The following PKN2 variants were observed in gnomAD, a reference collection of about 807,000 sequenced individuals.
PKN2 encodes serine/threonine-protein kinase N2.
Under a neutral mutation model 119.1 loss-of-function variants are expected in PKN2, and 38 were observed. The ratio of observed to expected loss-of-function variants is 0.32; its 90% CI spans 0.25 to 0.42. The LOEUF is 0.42. Among genes scored for constraint, PKN2 ranks in the 10% least tolerant of loss-of-function variants. The pLI is 1.00. For missense variants in PKN2, 850 were observed against 1,165.1 expected (o/e 0.73, Z 3.94); for synonymous variants, 390 against 384.9 (o/e 1.01, Z -0.15).
At chr1:88,807,496 T>C in intron 13 of PKN2, 33 bp from the exon 14 acceptor site, 1 of 1,602,280 alleles carries the variant, frequency 6.2e-7, no homozygotes, top group East Asian at 2.2e-5. Context: ...CATACTTTAT[T>C]GTCTTATTAT....
At position 88,804,903 on chromosome 1, in the gene PKN2, AT is replaced by A; in HGVS notation, c.1489del (p.Ser497GlnfsTer14). 1.9e-6 allele frequency: 3 copies of A among 1,544,416 alleles called. No homozygotes were observed. The highest frequency in any genetic ancestry group is 1.2e-5 in the South Asian group (1 of 86,660). On this transcript the variant is annotated frameshift_variant, in exon 10 of 22. Transcript: ENST00000370521. LOFTEE classifies it high-confidence loss of function. The stretch of plus-strand genomic sequence containing the variant: ...ACCAAAACTTCAAAGACAAAAGAAA[AT>A]TTTTTCAAAGCAACAAGGTAATTAC... ...RRPKLQRQKK[I>X]FSKQQGKTFL...
intron 3 of PKN2, among the ~76,000 whole-genome samples, chr1:88,770,013 C>T (rs1231839182): frequency 6.6e-6 from 1 of 152,068 alleles, no homozygotes; most frequent in African/African-American, 2.4e-5. Flanking sequence ...AATTTGTTTG[C>T]CTGTAATAAT....
At chr1:88,813,426 A>G (rs1379061069) in intron 15 of PKN2, 131 bp from the exon 16 acceptor site, 1 of 608,892 alleles carries the variant, frequency 1.6e-6, no homozygotes, top group Non-Finnish European at 2.8e-6. Flanking sequence ...TAGCAAAACT[A>G]AGACACATGT....
intron 6 of PKN2, among the ~76,000 whole-genome samples, chr1:88,782,786 G>A (rs1410479792): frequency 6.6e-6 from 1 of 152,108 alleles, no homozygotes; most frequent in Non-Finnish European, 1.5e-5. Context: ...CACTAAGCTT[G>A]TAATAATTTG....
At chr1:88,713,663 A>C (rs1288707853) in intron 1 of PKN2, among the ~76,000 whole-genome samples, 1 of 152,090 alleles carries the variant, frequency 6.6e-6, no homozygotes, top group East Asian at 1.9e-4. Flanking sequence ...AGTTCTTTGT[A>C]GATTCTGGAT....
chr1:88,709,216 G>A (rs1034925189), intron 1 of PKN2, among the ~76,000 whole-genome samples: 42 of 151,756 alleles, frequency 2.8e-4, no homozygotes, highest in African/African-American at 9.4e-4. Flanking sequence ...ATCATACACC[G>A]CTAATTTTTA....
At chr1:88,799,744 T>C (rs1284715351) in intron 8 of PKN2, among the ~76,000 whole-genome samples, 1 of 152,146 alleles carries the variant, frequency 6.6e-6, no homozygotes, top group African/African-American at 2.4e-5. Context: ...AGGCTAAGAG[T>C]GATAATGGAT....
At chr1:88,750,822 G>A (rs1222263259) in intron 2 of PKN2, among the ~76,000 whole-genome samples, 1 of 152,044 alleles carries the variant, frequency 6.6e-6, no homozygotes, top group Non-Finnish European at 1.5e-5. Flanking sequence ...AAGTTTGTAA[G>A]TCGCCAAGCC....
At chr1:88,711,266 C>A (rs965606027) in intron 1 of PKN2, among the ~76,000 whole-genome samples, 1 of 151,744 alleles carries the variant, frequency 6.6e-6, no homozygotes, top group African/African-American at 2.4e-5. Flanking sequence ...ATGTAACAAA[C>A]CTGCACTTGT....
intron 8 of PKN2, among the ~76,000 whole-genome samples, chr1:88,797,627 A>T (rs1160389444): frequency 1.4e-5 from 2 of 142,402 alleles, no homozygotes; most frequent in African/African-American, 5.4e-5. Flanking sequence ...GGCGACAGAG[A>T]CTCCGTCTCA....
chr1:88,734,664 T>C (rs1668268907), intron 1 of PKN2, among the ~76,000 whole-genome samples: 1 of 152,224 alleles, frequency 6.6e-6, no homozygotes, highest in Non-Finnish European at 1.5e-5. Flanking sequence ...TTAGATTACT[T>C]TGGCTATTTA....
chr1:88,781,318 C>A (rs1670333624), intron 6 of PKN2, among the ~76,000 whole-genome samples: 1 of 151,700 alleles, frequency 6.6e-6, no homozygotes, highest in African/African-American at 2.4e-5. Flanking sequence ...GTTGTTTTTT[C>A]TCCATGTTTT....
At chr1:88,725,937 T>C (rs981042815) in intron 1 of PKN2, among the ~76,000 whole-genome samples, 1 of 152,194 alleles carries the variant, frequency 6.6e-6, no homozygotes, top group East Asian at 1.9e-4. Flanking sequence ...GTTAGGTTTT[T>C]ATCTATGTTT....
At chr1:88,814,657 T>C (rs1382265985) in intron 16 of PKN2, among the ~76,000 whole-genome samples, 1 of 152,178 alleles carries the variant, frequency 6.6e-6, no homozygotes, top group Non-Finnish European at 1.5e-5. Flanking sequence ...TAGTCTTCCC[T>C]ATTTTATTAA....
At chr1:88,833,181 T>C in intron 21 of PKN2, 24 bp downstream of exon 21, 1 of 1,610,386 alleles carries the variant, frequency 6.2e-7, no homozygotes, top group Non-Finnish European at 8.5e-7. Flanking sequence ...TTTAAAATTT[T>C]TTATGAAACT....
chr1:88,824,127 A>G (rs1356466868), intron 17 of PKN2, among the ~76,000 whole-genome samples, 183 bp from the exon 18 acceptor site: 1 of 152,202 alleles, frequency 6.6e-6, no homozygotes, highest in Non-Finnish European at 1.5e-5. Context: ...AGAGTAATAA[A>G]CTTACCAAAA....
intron 1 of PKN2, among the ~76,000 whole-genome samples, chr1:88,739,713 G>A (rs919640073): frequency 6.6e-6 from 1 of 152,056 alleles, no homozygotes; most frequent in Non-Finnish European, 1.5e-5. Flanking sequence ...TTATAGTAAT[G>A]GACTTTGAAA....
At chr1:88,758,060 A>C (rs1056647721) in intron 2 of PKN2, among the ~76,000 whole-genome samples, 5 of 151,098 alleles carry the variant, frequency 3.3e-5, no homozygotes, top group African/African-American at 1.2e-4. Context: ...AAAAAAAAAA[A>C]AAAGAAGTGT....
At chr1:88,751,622 A>G (rs1332639752) in intron 2 of PKN2, among the ~76,000 whole-genome samples, 1 of 152,134 alleles carries the variant, frequency 6.6e-6, no homozygotes, top group Non-Finnish European at 1.5e-5. Context: ...ATTGTTGGCC[A>G]TGTTCTATTT....
Sources: allele counts gnomAD v4.1 joint callset (sites outside exome capture counted in the v4.1 genomes callset), GRCh38; gene constraint gnomAD v4.1.1; transcripts MANE v1.5; gene names NCBI Gene and HGNC (gene_info 2026-07-23, HGNC 2026-07-21).